Variants in AZI2 observed in about 807,000 individuals in gnomAD.
AZI2 encodes 5-azacytidine-induced protein 2.
A neutral mutation model predicts 45.8 loss-of-function variants in AZI2; 22 were observed. That is an observed-to-expected ratio of 0.48 (90% CI 0.34 to 0.69). AZI2 has a LOEUF of 0.69. AZI2 is among the 30% of genes least tolerant of loss of function. AZI2 has a pLI of 0.01. For synonymous variants in AZI2, 137 were observed against 156.7 expected, an observed-to-expected ratio of 0.87 and a Z score of 0.94; for missense variants, 417 against 441.5, an observed-to-expected ratio of 0.94 and a Z score of 0.50.
chr3:28,324,630 C>G (rs1273371833), intron 7 of AZI2, 176 bp from the exon 8 acceptor site: 5 of 485,878 alleles, frequency 1.0e-5, no homozygotes, highest in Non-Finnish European at 1.7e-5. Context: ...GAGTTTTAAT[C>G]CTGGATCAGC....
chr3:28,345,619 ATAAAG>A (rs1220032744), intron 1 of AZI2, among the ~76,000 whole-genome samples: 6 of 152,164 alleles, frequency 3.9e-5, no homozygotes, highest in Non-Finnish European at 8.8e-5. Context: ...AATTTGTCAG[ATAAAG>A]TAGGTAGAAA....
intron 1 of AZI2, chr3:28,341,436 A>G (rs188842071): frequency 6.6e-6 from 1 of 152,214 alleles, no homozygotes; most frequent in East Asian, 1.9e-4. Flanking sequence ...ATAAATATTG[A>G]TTACTGAATG....
At chr3:28,342,448 T>C (rs1704053666) in intron 1 of AZI2, among the ~76,000 whole-genome samples, 1 of 152,010 alleles carries the variant, frequency 6.6e-6, no homozygotes, top group Non-Finnish European at 1.5e-5. Context: ...TGGCGGATTC[T>C]CAGAACCATA....
intron 4 of AZI2, 31 bp from the exon 5 acceptor site, chr3:28,336,916 T>A: frequency 1.2e-6 from 2 of 1,605,428 alleles, no homozygotes; most frequent in African/African-American, 1.3e-5. Context: ...GAAATTGTTA[T>A]CTTTTCCTTC....
rs1286642956 is a variant in AZI2 at position 28,328,625 on chromosome 3, G to A, written c.648-1675C>T. ...TTAATGAAGACTGCTTAAAACTTAG[G>A]TTTAGTTAAAAACTAGGTCACTGAG... On this transcript the variant is annotated intron_variant, in intron 6 of 7. Coordinates refer to ENST00000479665, the MANE Select transcript of AZI2 (RefSeq NM_022461.5). Among the ~76,000 whole-genome samples the A allele has an allele frequency of 2.0e-5, 3 of 151,106 alleles. No homozygotes were observed. The East Asian group carries it at 5.8e-4, about 29-fold the overall frequency.
chr3:28,331,747 T>C (rs1037152268), intron 6 of AZI2: 9 of 1,444,212 alleles, frequency 6.2e-6, no homozygotes, highest in Non-Finnish European at 7.3e-6. Flanking sequence ...TATCTTAACA[T>C]AGTAGAAACA....
chr3:28,324,515 T>A, intron 7 of AZI2, 61 bp from the exon 8 acceptor site: 1 of 1,354,550 alleles, frequency 7.4e-7, no homozygotes, highest in Non-Finnish European at 9.7e-7. Context: ...TAAAATTCGA[T>A]AACACTTCAC....
At position 28,324,112 on chromosome 3, in the gene AZI2, A is replaced by G. The variant is rs376499436; in HGVS notation, c.1109T>C (p.Leu370Ser). ...TAFGETKTKT[L>S]PLPNLPPLHY... ...CAGTGGTGGAAGGTTGGGTAAAGGC[A>G]AAGTTTTAGTTTTAGTTTCCCCAAA... Residue 370 changes from leucine to serine, a missense_variant, in exon 8 of 8, where the codon TTG becomes TCG. Physicochemically the swap from Leu to Ser is moderately radical, Grantham distance 145. Transcript: ENST00000479665. 6 of 1,610,390 alleles carry G rather than the reference A, an allele frequency of 3.7e-6. No homozygotes were observed. The Admixed American group carries it at 8.4e-5, about 22-fold the overall frequency.
intron 7 of AZI2, among the ~76,000 whole-genome samples, chr3:28,326,037 T>C (rs1403901407): frequency 6.0e-5 from 9 of 151,120 alleles, no homozygotes; most frequent in Non-Finnish European, 1.3e-4. Context: ...AAATAAGTAA[T>C]TTTAAACTAG....
At chr3:28,327,520 C>A in intron 6 of AZI2, among the ~76,000 whole-genome samples, 1 of 150,158 alleles carries the variant, frequency 6.7e-6, no homozygotes, top group Admixed American at 6.7e-5. Flanking sequence ...CATGACAGCA[C>A]AAGACATGAA....
In AZI2 at chr3:28,322,351, C is replaced by T. The variant is rs1333508691; in HGVS notation, c.*1691G>A. The T allele has an allele frequency of 6.6e-6, 1 of 151,210 alleles. No homozygotes were observed. The highest frequency in any genetic ancestry group is 1.5e-5 in the Non-Finnish European group (1 of 67,430). The allele number at this position is 151,210 out of a possible 1,614,324, so 9.4% of individuals were successfully genotyped here. A position where few individuals can be genotyped will look rare whatever the true frequency, so the allele number is the denominator to read the frequency against. On this transcript the variant is annotated 3_prime_UTR_variant, in exon 8 of 8. Coordinates refer to ENST00000479665, the MANE Select transcript of AZI2 (RefSeq NM_022461.5). ...ATAGGCAAGGACAATATTTCACATCCACTTCAATTTCAAACAAAAATATTT... is the reference window on the plus strand; with the variant it reads ...ATAGGCAAGGACAATATTTCACATCTACTTCAATTTCAAACAAAAATATTT...
chr3:28,334,383 G>C (rs1703709514), intron 5 of AZI2, among the ~76,000 whole-genome samples: 1 of 151,828 alleles, frequency 6.6e-6, no homozygotes, highest in Non-Finnish European at 1.5e-5. Flanking sequence ...ACTGAAACAA[G>C]ATTTGAAAGT....
chr3:28,344,206 T>C (rs1395972226), intron 1 of AZI2, among the ~76,000 whole-genome samples: 1 of 152,050 alleles, frequency 6.6e-6, no homozygotes, highest in Non-Finnish European at 1.5e-5. Flanking sequence ...ATAACTGTCA[T>C]TTAAATTTGT....
In AZI2 at chr3:28,323,606, T is replaced by C. The variant is rs1162486539; in HGVS notation, c.*436A>G. 1.3e-5 allele frequency: 2 copies of C among 153,194 alleles called. No homozygotes were observed. Among genetic ancestry groups the C allele is most frequent in the African/African-American group, 4.8e-5 (2 of 41,336 alleles). The allele number at this position is 153,194 out of a possible 1,614,324, so 9.5% of individuals were successfully genotyped here. On this transcript the variant is annotated 3_prime_UTR_variant, in exon 8 of 8. Transcript: ENST00000479665. Reference sequence around the variant, plus strand: ...TCTTTACGCATTATAACAACAGAAATGTAACCTACTCACATTGCCATTTGT... The same window carrying C: ...TCTTTACGCATTATAACAACAGAAACGTAACCTACTCACATTGCCATTTGT...
chr3:28,338,656 T>G (rs1176684979), intron 2 of AZI2, 41 bp from the exon 3 acceptor site: 1 of 1,551,284 alleles, frequency 6.4e-7, no homozygotes, highest in Non-Finnish European at 8.8e-7. Context: ...AAGAGAGTAT[T>G]CTATAGATAA....
intron 3 of AZI2, among the ~76,000 whole-genome samples, chr3:28,338,274 G>T (rs73825133): frequency 6.7e-6 from 1 of 149,588 alleles, no homozygotes; most frequent in Non-Finnish European, 1.5e-5. Context: ...AAAATAAGTC[G>T]GTGGTGTTAG....
At chr3:28,331,861 C>T (rs1703588004) in intron 6 of AZI2, 1 of 1,547,736 alleles carries the variant, frequency 6.5e-7, no homozygotes, top group East Asian at 2.5e-5. Context: ...CTGATGGCTA[C>T]TTCTATTCTT....
chr3:28,321,134 G>A lies in AZI2; in HGVS notation c.*2908C>T, dbSNP rs1703174159. On this transcript the variant is annotated 3_prime_UTR_variant, in exon 8 of 8. Coordinates refer to ENST00000479665, the MANE Select transcript of AZI2 (RefSeq NM_022461.5). ...CATTTTCCCAGGCCACAGATCAAAA[G>A]GAGGGAGATTACTAGAGCAGACAAA... is the stretch of plus-strand genomic sequence containing the variant. The A allele has an allele frequency of 2.6e-5, 4 of 151,342 alleles. No homozygotes were observed. The highest frequency in any genetic ancestry group is 2.1e-4 in the South Asian group (1 of 4,830). The allele number at this position is 151,342 out of a possible 1,614,324, so 9.4% of individuals were successfully genotyped here. A position where few individuals can be genotyped will look rare whatever the true frequency, so the allele number is the denominator to read the frequency against.
intron 7 of AZI2, among the ~76,000 whole-genome samples, chr3:28,325,471 G>A (rs1174821167): frequency 1.3e-5 from 2 of 151,082 alleles, no homozygotes; most frequent in Non-Finnish European, 3.0e-5. Flanking sequence ...AAGGTCAGGA[G>A]AAAGGTGGTT....
Sources: gnomAD v4.1 joint callset for allele counts (sites outside exome capture counted in the v4.1 genomes callset) on GRCh38, gnomAD v4.1.1 for gene constraint, MANE v1.5 for transcripts, NCBI Gene and HGNC (gene_info 2026-07-23, HGNC 2026-07-21) for gene names.